Variants in SOX6 observed in about 807,000 individuals in gnomAD.
SOX6 encodes the protein transcription factor SOX-6.
Under a neutral mutation model 97.8 loss-of-function variants are expected in SOX6, and 11 were observed. That is an observed-to-expected ratio of 0.11 (90% confidence interval 0.07 to 0.19). The LOEUF (loss-of-function observed/expected upper bound fraction) is 0.19. Ranked by LOEUF, SOX6 falls within the 10% of genes least tolerant of loss-of-function variation. The probability of loss-of-function intolerance (pLI) is 1.00; values close to 1 mark genes in which losing one functional copy is unlikely to be tolerated. For missense variants in SOX6, 810 were observed against 1,039.5 expected, an observed-to-expected ratio of 0.78 and a Z score of 3.04; for synonymous variants, 360 against 371.4, an observed-to-expected ratio of 0.97 and a Z score of 0.35.
chr11:16,221,109 A>G (rs915976823), intron 4 of SOX6, among the ~76,000 whole-genome samples: 3 of 152,050 alleles, frequency 2.0e-5, no homozygotes, highest in African/African-American at 7.2e-5. Context: ...ATCCCAGAGA[A>G]CTATTCAAGG....
intron 1 of SOX6, among the ~76,000 whole-genome samples, chr11:16,432,795 A>G (rs1021481825): frequency 6.6e-6 from 1 of 152,066 alleles, no homozygotes; most frequent in Non-Finnish European, 1.5e-5. Flanking sequence ...ACATCATAGA[A>G]GGAGAAATGC....
intron 3 of SOX6, among the ~76,000 whole-genome samples, chr11:16,668,645 C>G (rs1413103686): frequency 6.6e-6 from 1 of 152,160 alleles, no homozygotes; most frequent in Non-Finnish European, 1.5e-5. Flanking sequence ...ACCCAACAAT[C>G]TGTTGCCTAC....
chr11:16,147,744 T>C (rs1368878001), intron 6 of SOX6, among the ~76,000 whole-genome samples: 1 of 152,176 alleles, frequency 6.6e-6, no homozygotes, highest in African/African-American at 2.4e-5. Context: ...GGAATAAAAA[T>C]AACTTTGTTT....
At chr11:16,231,284 C>T (rs935803566) in intron 4 of SOX6, among the ~76,000 whole-genome samples, 1 of 151,604 alleles carries the variant, frequency 6.6e-6, no homozygotes, top group African/African-American at 2.4e-5. Context: ...TCTTAGAAAA[C>T]ACTGAGAACT....
At chr11:16,285,331 G>A (rs1854700735) in intron 3 of SOX6, among the ~76,000 whole-genome samples, 5 of 151,934 alleles carry the variant, frequency 3.3e-5, no homozygotes, top group Admixed American at 3.3e-4. Context: ...TCAGGAGTTC[G>A]AGACCAGCCT....
chr11:16,714,451 CTTT>C (rs761435639), intron 3 of SOX6, among the ~76,000 whole-genome samples: 3 of 116,380 alleles, frequency 2.6e-5, no homozygotes, highest in African/African-American at 3.2e-5. Context: ...AATTTTCTTT[CTTT>C]TTTTTTTTTT....
At chr11:16,014,663 T>A (rs572408888) in intron 13 of SOX6, among the ~76,000 whole-genome samples, 177 of 152,196 alleles carry the variant, frequency 1.2e-3, no homozygotes, top group African/African-American at 4.0e-3. Flanking sequence ...TTCATTGAAA[T>A]GTAGAGGATC....
intron 3 of SOX6, among the ~76,000 whole-genome samples, chr11:16,619,890 TGTTAA>T (rs1351895391): frequency 6.6e-6 from 1 of 152,166 alleles, no homozygotes; most frequent in Non-Finnish European, 1.5e-5. Context: ...TGTATTTCAC[TGTTAA>T]GTTTCAACTA....
At chr11:16,020,013 T>C (rs1465168713) in intron 12 of SOX6, among the ~76,000 whole-genome samples, 1 of 152,154 alleles carries the variant, frequency 6.6e-6, no homozygotes, top group Non-Finnish European at 1.5e-5. Context: ...TTATGAAAGT[T>C]TGATTTCCAT....
intron 3 of SOX6, among the ~76,000 whole-genome samples, chr11:16,297,187 A>G (rs1855119215): frequency 6.6e-6 from 1 of 152,096 alleles, no homozygotes; most frequent in Non-Finnish European, 1.5e-5. Flanking sequence ...ATTCAAAACT[A>G]TTTGTCACAC....
At chr11:16,468,920 T>C (rs1039115978) in intron 1 of SOX6, among the ~76,000 whole-genome samples, 5 of 152,182 alleles carry the variant, frequency 3.3e-5, no homozygotes, top group African/African-American at 9.6e-5. Flanking sequence ...CCAACTTATT[T>C]TGAAATTTTG....
chr11:16,365,894 T>C (rs1271542250), intron 1 of SOX6, among the ~76,000 whole-genome samples: 2 of 152,116 alleles, frequency 1.3e-5, no homozygotes, highest in East Asian at 3.9e-4. Flanking sequence ...CTGCTTCCCT[T>C]CCATGAGAAA....
At chr11:16,144,509 C>A (rs1266908174) in intron 6 of SOX6, among the ~76,000 whole-genome samples, 1 of 152,022 alleles carries the variant, frequency 6.6e-6, no homozygotes, top group Non-Finnish European at 1.5e-5. Flanking sequence ...CAGAGCAGAA[C>A]TGAAAGAGAT....
chr11:16,237,955 C>T (rs1853074201), intron 3 of SOX6, among the ~76,000 whole-genome samples: 1 of 151,790 alleles, frequency 6.6e-6, no homozygotes, highest in East Asian at 1.9e-4. Flanking sequence ...AAAATGTCAC[C>T]ATAATATGTA....
chr11:16,582,574 A>G (rs1848041327), intron 4 of SOX6, among the ~76,000 whole-genome samples: 1 of 152,138 alleles, frequency 6.6e-6, no homozygotes, highest in South Asian at 2.1e-4. Flanking sequence ...GTTTCTAATA[A>G]TATGTAAAAT....
At chr11:16,452,094 G>A (rs1859729764) in intron 1 of SOX6, among the ~76,000 whole-genome samples, 1 of 152,150 alleles carries the variant, frequency 6.6e-6, no homozygotes, top group African/African-American at 2.4e-5. Context: ...AGTACAGCTG[G>A]ATAAAGTTGT....
At chr11:16,316,281 G>C (rs7121869) in intron 3 of SOX6, 1 of 151,404 alleles carries the variant, frequency 6.6e-6, no homozygotes, top group African/African-American at 2.4e-5. Flanking sequence ...TTTAAGTTTT[G>C]TTTCTTTAAT....
intron 4 of SOX6, among the ~76,000 whole-genome samples, chr11:16,590,127 A>C (rs1347268820): frequency 1.3e-5 from 2 of 152,332 alleles, no homozygotes; most frequent in African/African-American, 4.8e-5. Context: ...GTCTTCTGGC[A>C]TTGTATAGGT....
intron 4 of SOX6, among the ~76,000 whole-genome samples, chr11:16,524,710 C>T (rs1861127442): frequency 6.6e-6 from 1 of 152,096 alleles, no homozygotes; most frequent in Admixed American, 6.6e-5. Flanking sequence ...TTGCAGATGA[C>T]ATGATTGTAT....
Sources: allele counts gnomAD v4.1 joint callset (sites outside exome capture counted in the v4.1 genomes callset), GRCh38; gene constraint gnomAD v4.1.1; transcripts MANE v1.5; gene names NCBI Gene and HGNC (gene_info 2026-07-23, HGNC 2026-07-21).